VPS13B: variants seen among roughly 807,000 people sequenced by gnomAD.
VPS13B encodes vacuolar protein sorting 13 homolog B.
In VPS13B, 285 loss-of-function variants were observed where a neutral mutation model predicts 426.4. The ratio of observed to expected loss-of-function variants is 0.67; its 90% CI spans 0.61 to 0.74. VPS13B has a LOEUF of 0.74. Ranked by LOEUF, VPS13B falls within the 30% of genes least tolerant of loss-of-function variation. The pLI is 0.00. For synonymous variants in VPS13B, 1,676 were observed against 1,676.4 expected (o/e 1.00, Z 0.01); for missense variants, 4,537 against 4,782.6 (o/e 0.95, Z 1.51).
At position 99,661,430 on chromosome 8, in the gene VPS13B, C is replaced by A. The variant is rs1830219467; in HGVS notation, c.5985C>A (p.Ser1995Arg). 5.6e-6 allele frequency: 9 copies of A among 1,613,556 alleles called. No individual in the cohort carries two copies. The highest frequency in any genetic ancestry group is 7.6e-6 in the Non-Finnish European group (9 of 1,179,830). The change falls in exon 35 of 62, where the codon AGC becomes AGA. Residue 1995 changes from serine (S) to arginine (R), a missense_variant. Ser to Arg is a moderately radical substitution (Grantham distance 110). Around this residue, in one of 2 missense-constraint regions of VPS13B, gnomAD observed 4,311 missense variants for 4,474.3 expected, o/e 0.96. Transcript: ENST00000357162. ...WLQTVPGEID[S>R]KSGIPPSFIT... ...AGACAGTGCCTGGAGAAATAGACAGCAAAAGTGGTATTCCACCTTCCTTTA... is the reference window on the plus strand; with the variant it reads ...AGACAGTGCCTGGAGAAATAGACAGAAAAAGTGGTATTCCACCTTCCTTTA...
At chr8:99,782,892 C>T (rs933524542) in intron 42 of VPS13B, among the ~76,000 whole-genome samples, 1 of 152,132 alleles carries the variant, frequency 6.6e-6, no homozygotes, top group African/African-American at 2.4e-5. Flanking sequence ...TTTGGTCTCA[C>T]TTAGCCAGAA....
chr8:99,274,763 G>A (rs1818806138), intron 18 of VPS13B, among the ~76,000 whole-genome samples: 1 of 151,826 alleles, frequency 6.6e-6, no homozygotes, highest in African/African-American at 2.4e-5. Flanking sequence ...AAAACCATTT[G>A]TGATTTTTTT....
intron 33 of VPS13B, among the ~76,000 whole-genome samples, chr8:99,597,601 A>G (rs528526749): frequency 6.6e-6 from 1 of 152,128 alleles, no homozygotes; most frequent in African/African-American, 2.4e-5. Flanking sequence ...CCTTGGAATA[A>G]CAGTGATGGA....
At chr8:99,733,997 T>C (rs1176485963) in intron 39 of VPS13B, among the ~76,000 whole-genome samples, 1 of 152,190 alleles carries the variant, frequency 6.6e-6, no homozygotes, top group Non-Finnish European at 1.5e-5. Flanking sequence ...AAAAAGAAAC[T>C]TAGGACTCTT....
At chr8:99,848,269 T>C (rs1816084521) in intron 54 of VPS13B, among the ~76,000 whole-genome samples, 2 of 152,214 alleles carry the variant, frequency 1.3e-5, no homozygotes, top group Admixed American at 6.5e-5. Flanking sequence ...ACGAGTTACA[T>C]GAAAGACCCT....
intron 31 of VPS13B, among the ~76,000 whole-genome samples, chr8:99,563,399 C>T (rs2133781370): frequency 6.6e-6 from 1 of 152,280 alleles, no homozygotes; most frequent in South Asian, 2.1e-4. Context: ...AGAAGAAACA[C>T]ATCCAAATCA....
chr8:99,321,599 A>G (rs913996457), intron 19 of VPS13B, among the ~76,000 whole-genome samples: 1 of 152,156 alleles, frequency 6.6e-6, no homozygotes, highest in African/African-American at 2.4e-5. Context: ...AGTTTAAACC[A>G]TATTTTTATC....
chr8:99,616,613 G>T (rs1239803758), intron 33 of VPS13B, among the ~76,000 whole-genome samples: 1 of 152,212 alleles, frequency 6.6e-6, no homozygotes, highest in South Asian at 2.1e-4. Context: ...AGATCACGAG[G>T]TCAGGAGATT....
chr8:99,319,614 G>T (rs1487930495), intron 19 of VPS13B, among the ~76,000 whole-genome samples: 1 of 152,158 alleles, frequency 6.6e-6, no homozygotes, highest in Non-Finnish European at 1.5e-5. Context: ...TAATCATTGT[G>T]ACAACCAGAA....
chr8:99,742,837 G>A (rs1809826580), intron 39 of VPS13B, among the ~76,000 whole-genome samples: 1 of 152,078 alleles, frequency 6.6e-6, no homozygotes, highest in Non-Finnish European at 1.5e-5. Flanking sequence ...AAAATAATAA[G>A]AGCTATCTAT....
chr8:99,651,675 A>G (rs1314950110), intron 34 of VPS13B, among the ~76,000 whole-genome samples: 3 of 152,154 alleles, frequency 2.0e-5, no homozygotes, highest in Non-Finnish European at 4.4e-5. Context: ...ATATTTAAAA[A>G]TTGGTATTTG....
chr8:99,768,391 A>G (rs1427248620), intron 40 of VPS13B, among the ~76,000 whole-genome samples: 1 of 152,224 alleles, frequency 6.6e-6, no homozygotes, highest in East Asian at 1.9e-4. Flanking sequence ...CGCTTTTACA[A>G]GGTTATAATC....
intron 3 of VPS13B, among the ~76,000 whole-genome samples, chr8:99,063,814 C>T (rs891079336): frequency 9.9e-5 from 15 of 152,162 alleles, no homozygotes; most frequent in Non-Finnish European, 7.4e-5. Flanking sequence ...AGACACCTCC[C>T]AGTAGGGGCC....
chr8:99,162,339 A>G (rs1811709560), intron 15 of VPS13B, among the ~76,000 whole-genome samples: 1 of 152,212 alleles, frequency 6.6e-6, no homozygotes, highest in Non-Finnish European at 1.5e-5. Context: ...TATAATTTTC[A>G]ATTAAGTACT....
intron 19 of VPS13B, among the ~76,000 whole-genome samples, chr8:99,310,421 CT>C (rs1373207186): frequency 2.0e-5 from 3 of 151,986 alleles, no homozygotes; most frequent in Non-Finnish European, 4.4e-5. Flanking sequence ...TGTTAAAGGC[CT>C]TTTCTGCATC....
rs545959206 is a variant in VPS13B, at chr8:99,446,146, C to T, written c.3445+3511C>T. Among the ~76,000 whole-genome samples, 210 of 152,326 alleles carry T rather than the reference C, an allele frequency of 1.4e-3. 2 individuals carry two copies. Among genetic ancestry groups the T allele is most frequent in the South Asian group, 2.3e-3 (11 of 4,824 alleles). On this transcript the variant is annotated intron_variant, in intron 23 of 61. Coordinates refer to ENST00000357162, the MANE Select transcript of VPS13B (RefSeq NM_152564.5). The stretch of plus-strand genomic sequence containing the variant: ...CACAGCTTAGCCCTTCCTTCTTTCT[C>T]AGTTCATTTACTTCTGCCTAAAGTA...
At chr8:99,534,727 T>G (rs1278024809) in intron 30 of VPS13B, among the ~76,000 whole-genome samples, 1 of 152,136 alleles carries the variant, frequency 6.6e-6, no homozygotes, top group Non-Finnish European at 1.5e-5. Context: ...TATAAGACAA[T>G]TGTCCAAAAT....
chr8:99,133,686 A>G (rs1354375188), intron 8 of VPS13B, among the ~76,000 whole-genome samples: 1 of 152,116 alleles, frequency 6.6e-6, no homozygotes, highest in Non-Finnish European at 1.5e-5. Flanking sequence ...GTTCTGTCTC[A>G]GGAAATAGGC....
intron 19 of VPS13B, among the ~76,000 whole-genome samples, chr8:99,292,099 G>A (rs1156695447): frequency 6.6e-6 from 1 of 152,096 alleles, no homozygotes; most frequent in Non-Finnish European, 1.5e-5. Flanking sequence ...TCTAATTTAT[G>A]TGGGTAAGCT....
Sources: allele counts gnomAD v4.1 joint callset (sites outside exome capture counted in the v4.1 genomes callset), GRCh38; gene constraint gnomAD v4.1.1; regional missense constraint gnomAD v4.1.1; transcripts MANE v1.5; gene names NCBI Gene and HGNC (gene_info 2026-07-23, HGNC 2026-07-21).